The following FSTL4 variants were observed in gnomAD, a reference collection of about 807,000 sequenced individuals.
FSTL4 encodes the protein follistatin like 4, also known as follistatin-related protein 4.
A neutral mutation model predicts 78.2 loss-of-function variants in FSTL4; 28 were observed. The ratio of observed to expected loss-of-function variants is 0.36; its 90% CI spans 0.27 to 0.49. FSTL4 has a LOEUF of 0.49. Ranked by LOEUF, FSTL4 falls within the 20% of genes least tolerant of loss-of-function variation. The probability of loss-of-function intolerance (pLI) is 0.98; values close to 1 mark genes in which losing one functional copy is unlikely to be tolerated. For missense variants in FSTL4, 922 were observed against 1,084.9 expected (o/e 0.85, Z 2.11); for synonymous variants, 422 against 440.5 (o/e 0.96, Z 0.53).
intron 14 of FSTL4, among the ~76,000 whole-genome samples, chr5:133,205,107 A>AAACT (rs948815522): frequency 1.3e-5 from 2 of 152,224 alleles, no homozygotes; most frequent in African/African-American, 4.8e-5. Flanking sequence ...AGGCAAAGGT[A>AAACT]AACTATTGGT....
the FSTL4 span, among the ~76,000 whole-genome samples, chr5:133,736,741 C>T: frequency 6.6e-6 from 1 of 152,274 alleles, no homozygotes; most frequent in East Asian, 1.9e-4. Flanking sequence ...AGCAGCCCCT[C>T]AACTGCATTG....
chr5:133,805,491 G>A, the FSTL4 span, among the ~76,000 whole-genome samples: 2 of 152,178 alleles, frequency 1.3e-5, no homozygotes, highest in Admixed American at 6.5e-5. Flanking sequence ...TGTGACTATC[G>A]TATCCAGAGT....
At chr5:133,805,952 C>T in the FSTL4 span, among the ~76,000 whole-genome samples, 1 of 152,174 alleles carries the variant, frequency 6.6e-6, no homozygotes, top group Non-Finnish European at 1.5e-5. Context: ...CCCCAACCCC[C>T]GATCAGAAGG....
chr5:133,743,514 C>T, the FSTL4 span, among the ~76,000 whole-genome samples: 26 of 152,222 alleles, frequency 1.7e-4, no homozygotes, highest in African/African-American at 6.3e-4. Context: ...GTTTCTCTAC[C>T]TGTACGAAAA....
intron 4 of FSTL4, among the ~76,000 whole-genome samples, chr5:133,363,948 A>G (rs2126936863): frequency 6.6e-6 from 1 of 152,298 alleles, no homozygotes; most frequent in East Asian, 1.9e-4. Context: ...GGCGGCTCAG[A>G]GGGCACTGAA....
chr5:133,609,518 A>G (rs190229956), intron 1 of FSTL4, among the ~76,000 whole-genome samples: 14 of 152,338 alleles, frequency 9.2e-5, no homozygotes, highest in Admixed American at 7.2e-4. Flanking sequence ...TGTTTTAGAA[A>G]AAAAGAAAGT....
chr5:133,596,332 C>T (rs1205253952), intron 2 of FSTL4, among the ~76,000 whole-genome samples: 1 of 152,220 alleles, frequency 6.6e-6, no homozygotes, highest in Non-Finnish European at 1.5e-5. Flanking sequence ...AGGCCAACTC[C>T]CTCACAGGTG....
chr5:133,200,711 C>T (rs1049053512), intron 15 of FSTL4, among the ~76,000 whole-genome samples: 36 of 152,288 alleles, frequency 2.4e-4, no homozygotes, highest in Non-Finnish European at 3.5e-4. Flanking sequence ...TGCCTAAATC[C>T]CTTGCTCACA....
Position 133,348,313 on chromosome 5 carries a change from A to C in FSTL4, c.410-31661T>G, listed in dbSNP as rs779476190. Reference sequence around the variant, plus strand: ...AAGCTATGGAGTCCATAAAGTTTAGAGTCTAAGCAGAGGCACTGGGGAGAA... The same window carrying C: ...AAGCTATGGAGTCCATAAAGTTTAGCGTCTAAGCAGAGGCACTGGGGAGAA... On this transcript the variant is annotated intron_variant, in intron 4 of 15. Transcript: ENST00000265342. Among the ~76,000 whole-genome samples the C allele has an allele frequency of 1.4e-4, 21 of 152,248 alleles. 1 individual carries two copies. Among genetic ancestry groups the C allele is most frequent in the Non-Finnish European group, 2.6e-4 (18 of 68,046 alleles).
At chr5:133,830,800 G>A in the FSTL4 span, among the ~76,000 whole-genome samples, 1 of 152,146 alleles carries the variant, frequency 6.6e-6, no homozygotes, top group Non-Finnish European at 1.5e-5. Context: ...AGCACCCTCT[G>A]CCTGACACTG....
chr5:133,526,703 G>C lies in FSTL4; in HGVS notation c.160+40483C>G, dbSNP rs150120003. ...CAGGCAGGGTCAGGGAGGCTCATGG[G>C]GAGGCCTTTGCAGGGAGCTGGGGAT... On this transcript the variant is annotated intron_variant, in intron 3 of 15. Coordinates refer to ENST00000265342, the MANE Select transcript of FSTL4 (RefSeq NM_015082.2). Among the ~76,000 whole-genome samples the C allele has an allele frequency of 3.0e-4, 45 of 152,276 alleles. 1 individual carries two copies. In the East Asian group the frequency reaches 8.7e-3, roughly 29 times the overall value.
At chr5:133,234,248 C>A (rs1751590026) in intron 7 of FSTL4, among the ~76,000 whole-genome samples, 1 of 152,012 alleles carries the variant, frequency 6.6e-6, no homozygotes, top group South Asian at 2.1e-4. Flanking sequence ...GAAAATGGGG[C>A]AAACAAAAAA....
At chr5:133,565,803 G>T (rs1253054374) in intron 3 of FSTL4, among the ~76,000 whole-genome samples, 1 of 152,154 alleles carries the variant, frequency 6.6e-6, no homozygotes, top group Admixed American at 6.6e-5. Flanking sequence ...TTCCAAAAAG[G>T]TTAAGTTTAT....
At chr5:133,747,534 T>G in the FSTL4 span, among the ~76,000 whole-genome samples, 1 of 152,106 alleles carries the variant, frequency 6.6e-6, no homozygotes, top group Non-Finnish European at 1.5e-5. Context: ...TGGCTCAGCC[T>G]ACCCACCCCA....
At chr5:133,539,896 G>T (rs1255565175) in intron 3 of FSTL4, among the ~76,000 whole-genome samples, 4 of 151,640 alleles carry the variant, frequency 2.6e-5, no homozygotes, top group African/African-American at 7.3e-5. Flanking sequence ...ATCTTGGCTG[G>T]GTCATAGAGC....
chr5:133,385,921 C>T (rs1449368151), intron 4 of FSTL4, among the ~76,000 whole-genome samples: 2 of 152,220 alleles, frequency 1.3e-5, no homozygotes, highest in African/African-American at 2.4e-5. Context: ...ATGATAATCA[C>T]TATGTGTGTG....
chr5:133,483,949 G>A (rs979098971), intron 3 of FSTL4, among the ~76,000 whole-genome samples: 1 of 152,194 alleles, frequency 6.6e-6, no homozygotes, highest in Non-Finnish European at 1.5e-5. Flanking sequence ...AAGCGAGAAT[G>A]TCCACTCCTG....
chr5:133,797,796 C>T, the FSTL4 span, among the ~76,000 whole-genome samples: 1 of 152,114 alleles, frequency 6.6e-6, no homozygotes, highest in Admixed American at 6.5e-5. Context: ...CTTCAAAGAC[C>T]CATCTCATAC....
At chr5:133,328,193 G>A (rs894394650) in intron 4 of FSTL4, among the ~76,000 whole-genome samples, 1 of 152,196 alleles carries the variant, frequency 6.6e-6, no homozygotes, top group African/African-American at 2.4e-5. Context: ...AGATCCAGCC[G>A]ACTCCAAGGC....
Sources: gnomAD v4.1 joint callset for allele counts (sites outside exome capture counted in the v4.1 genomes callset) on GRCh38, gnomAD v4.1.1 for gene constraint, MANE v1.5 for transcripts, NCBI Gene and HGNC (gene_info 2026-07-23, HGNC 2026-07-21) for gene names.